STK32B: variants seen among roughly 807,000 people sequenced by gnomAD.
STK32B encodes serine/threonine kinase 32B, also known as serine/threonine-protein kinase 32B.
STK32B carries 43 observed loss-of-function variants against 52.6 expected under a neutral mutation model. The ratio of observed to expected loss-of-function variants is 0.82; its 90% CI spans 0.64 to 1.05. The LOEUF (loss-of-function observed/expected upper bound fraction) is 1.05. STK32B is among the 50% of genes least tolerant of loss of function. The pLI, the probability that STK32B is intolerant of heterozygous loss-of-function variation, is 0.00. For missense variants in STK32B, 621 were observed against 534.6 expected, an observed-to-expected ratio of 1.16 and a Z score of -1.59; for synonymous variants, 238 against 204.3, an observed-to-expected ratio of 1.17 and a Z score of -1.41.
In STK32B at chr4:5,344,955, C is replaced by A. The variant is rs1358854666; in HGVS notation, c.434+13562C>A. Among the ~76,000 whole-genome samples the A allele has an allele frequency of 2.0e-5, 3 of 151,822 alleles. 1 individual carries two copies. The highest frequency in any genetic ancestry group is 2.0e-4 in the Admixed American group (3 of 15,212). ...ACGTGGGAGGCTGAGATGGGAGGAT[C>A]ACCTGAGTCTGGGATGTTGAGGCTA... On this transcript the variant is annotated intron_variant, in intron 4 of 11. Transcript: ENST00000282908.
At chr4:5,044,323 A>C in the STK32B span, among the ~76,000 whole-genome samples, 1 of 151,928 alleles carries the variant, frequency 6.6e-6, no homozygotes, top group African/African-American at 2.4e-5. Flanking sequence ...TGTAATTCCT[A>C]TTGTCAACTT....
the STK32B span, among the ~76,000 whole-genome samples, chr4:5,034,524 C>T: frequency 6.6e-6 from 1 of 152,214 alleles, no homozygotes; most frequent in African/African-American, 2.4e-5. Context: ...AAGCACCACA[C>T]TCCTGCCAGG....
chr4:5,027,715 A>T, the STK32B span, among the ~76,000 whole-genome samples: 1 of 152,132 alleles, frequency 6.6e-6, no homozygotes, highest in Non-Finnish European at 1.5e-5. Context: ...TACAGGAGTG[A>T]TGATGGGCCC....
intron 1 of STK32B, among the ~76,000 whole-genome samples, chr4:5,101,810 G>A (rs753965415): frequency 1.8e-4 from 28 of 152,272 alleles, no homozygotes; most frequent in Admixed American, 3.3e-4. Flanking sequence ...TCAAGCAAAC[G>A]CATCCTGTCA....
intron 3 of STK32B, among the ~76,000 whole-genome samples, chr4:5,175,204 A>T (rs187546125): frequency 0.012 from 1,768 of 150,970 alleles, 31 homozygotes; most frequent in African/African-American, 0.04. Flanking sequence ...CCATTCGTCT[A>T]ATTTTTTTTT....
chr4:5,384,466 G>A (rs1736118744), intron 4 of STK32B, among the ~76,000 whole-genome samples: 1 of 152,140 alleles, frequency 6.6e-6, no homozygotes, highest in Non-Finnish European at 1.5e-5. Context: ...GAATGAACAA[G>A]GAGGATATCC....
chr4:5,340,822 A>G (rs920536664), intron 4 of STK32B, among the ~76,000 whole-genome samples: 2 of 152,224 alleles, frequency 1.3e-5, no homozygotes, highest in African/African-American at 4.8e-5. Flanking sequence ...ATGTACACAT[A>G]TATATAAATA....
At chr4:5,195,070 T>G (rs571934316) in intron 3 of STK32B, among the ~76,000 whole-genome samples, 43 of 152,252 alleles carry the variant, frequency 2.8e-4, no homozygotes, top group Admixed American at 7.2e-4. Flanking sequence ...TTTTTCTTTT[T>G]GGGATTGTTT....
At chr4:5,092,547 AAAAG>A (rs1328805764) in intron 1 of STK32B, among the ~76,000 whole-genome samples, 3 of 152,058 alleles carry the variant, frequency 2.0e-5, no homozygotes, top group African/African-American at 7.2e-5. Flanking sequence ...AAAAAAAAAA[AAAAG>A]AAGAAGAAAA....
chr4:5,067,621 A>G (rs150564385), intron 1 of STK32B, among the ~76,000 whole-genome samples: 2 of 152,304 alleles, frequency 1.3e-5, no homozygotes, highest in East Asian at 3.9e-4. Context: ...TTTTATACAT[A>G]ATATGATCTT....
chr4:5,094,112 AG>A (rs1306354604), intron 1 of STK32B, among the ~76,000 whole-genome samples: 1 of 152,166 alleles, frequency 6.6e-6, no homozygotes, highest in African/African-American at 2.4e-5. Flanking sequence ...TTGAAAGTGC[AG>A]CTGTTATATG....
chr4:5,021,582 C>T, the STK32B span, among the ~76,000 whole-genome samples: 3 of 152,294 alleles, frequency 2.0e-5, no homozygotes, highest in Non-Finnish European at 4.4e-5. Flanking sequence ...GGAAGAAAAA[C>T]AAGCCCATGG....
intron 8 of STK32B, among the ~76,000 whole-genome samples, chr4:5,457,308 C>T (rs1297465094): frequency 1.2e-4 from 18 of 150,858 alleles, no homozygotes; most frequent in Admixed American, 3.3e-4. Context: ...CTCCGCCTCC[C>T]GGGTTCACGC....
intron 1 of STK32B, among the ~76,000 whole-genome samples, chr4:5,130,245 C>T (rs73089697): frequency 0.023 from 3,474 of 151,296 alleles, 141 homozygotes; most frequent in African/African-American, 0.079. Context: ...AGAGGGACAG[C>T]AGGGCAAAGG....
At position 5,399,776 on chromosome 4, in the gene STK32B, G is replaced by A. The variant is rs1278467636; in HGVS notation, c.472+1532G>A. Among the ~76,000 whole-genome samples, 1 of 152,092 alleles carries A rather than the reference G, an allele frequency of 6.6e-6. No individual in the cohort carries two copies. The highest frequency in any genetic ancestry group is 6.5e-5 in the Admixed American group (1 of 15,270). ...GCAGGGTGGTGAATGTCTCATCTCG[G>A]GTGAGACTCGAAGGTCAGCCACCCA... On this transcript the variant is annotated intron_variant, in intron 5 of 11. Coordinates refer to ENST00000282908, the MANE Select transcript of STK32B (RefSeq NM_018401.3). This position sits in a 1 kb window ranked among gnomAD's most constrained non-coding sequence, Gnocchi z 5.4.
chr4:5,072,302 G>A (rs10028896), intron 1 of STK32B, among the ~76,000 whole-genome samples: 139,138 of 152,168 alleles, frequency 0.91, 64,216 homozygotes, highest in East Asian at 1. Flanking sequence ...ATGGGAATCT[G>A]GTAGAAACCT....
intron 1 of STK32B, among the ~76,000 whole-genome samples, chr4:5,077,339 C>T (rs556498719): frequency 1.3e-5 from 2 of 152,190 alleles, no homozygotes; most frequent in South Asian, 4.2e-4. Context: ...TACAGTCCAA[C>T]CCTCTTGGTG....
chr4:5,307,347 CT>C (rs1729988049), intron 3 of STK32B, among the ~76,000 whole-genome samples: 1 of 151,986 alleles, frequency 6.6e-6, no homozygotes, highest in South Asian at 2.1e-4. Flanking sequence ...ATCTTTTATT[CT>C]TTGTTTTTGT....
chr4:5,049,329 C>G (rs13139967), upstream of STK32B, among the ~76,000 whole-genome samples: 4 of 152,034 alleles, frequency 2.6e-5, no homozygotes, highest in Non-Finnish European at 5.9e-5. Flanking sequence ...CCCGAGTAGC[C>G]GGGATTACAG....
Sources: gnomAD v4.1 joint callset for allele counts (sites outside exome capture counted in the v4.1 genomes callset) on GRCh38, gnomAD v4.1.1 for gene constraint, Gnocchi (gnomAD v3.1) non-coding constraint, MANE v1.5 for transcripts, NCBI Gene and HGNC (gene_info 2026-07-23, HGNC 2026-07-21) for gene names.